The following KCNB2 variants were observed in gnomAD, a reference collection of about 807,000 sequenced individuals.
KCNB2 encodes the protein delayed rectifier potassium channel protein.
A neutral mutation model predicts 61.5 loss-of-function variants in KCNB2; 15 were observed. The observed-to-expected ratio is 0.24, with a 90% CI of 0.16 to 0.38. The LOEUF is 0.38. KCNB2 is among the 10% of genes least tolerant of loss of function. The probability of loss-of-function intolerance (pLI) is 1.00; values close to 1 mark genes in which losing one functional copy is unlikely to be tolerated. For synonymous variants in KCNB2, 457 were observed against 446.0 expected, an observed-to-expected ratio of 1.02 and a Z score of -0.31; for missense variants, 828 against 1,125.2, an observed-to-expected ratio of 0.74 and a Z score of 3.78.
chr8:72,829,308 A>G (rs1809650277), intron 2 of KCNB2, among the ~76,000 whole-genome samples: 1 of 152,226 alleles, frequency 6.6e-6, no homozygotes, highest in African/African-American at 2.4e-5. Flanking sequence ...ACATCACTCT[A>G]GAAGAGCAGC....
At chr8:72,904,801 G>T (rs1175437281) in intron 2 of KCNB2, among the ~76,000 whole-genome samples, 1 of 151,700 alleles carries the variant, frequency 6.6e-6, no homozygotes, top group African/African-American at 2.4e-5. Context: ...ATCATCCCTT[G>T]CTCAAATGCC....
intron 2 of KCNB2, among the ~76,000 whole-genome samples, chr8:72,589,605 C>G (rs1807061046): frequency 6.6e-6 from 1 of 152,174 alleles, no homozygotes; most frequent in African/African-American, 2.4e-5. Context: ...ACTTCAAAAG[C>G]ATGTCTAATT....
At chr8:72,775,815 A>T (rs1230769049) in intron 2 of KCNB2, among the ~76,000 whole-genome samples, 1 of 152,180 alleles carries the variant, frequency 6.6e-6, no homozygotes, top group Non-Finnish European at 1.5e-5. Flanking sequence ...TTCTTTAAAA[A>T]TCATAACCAT....
chr8:72,689,412 C>T (rs1806906139), intron 2 of KCNB2, among the ~76,000 whole-genome samples: 1 of 152,184 alleles, frequency 6.6e-6, no homozygotes, highest in African/African-American at 2.4e-5. Context: ...GTTAAATTTA[C>T]AAATCATAAA....
At chr8:72,669,102 A>G (rs1342927865) in intron 2 of KCNB2, among the ~76,000 whole-genome samples, 41 of 152,154 alleles carry the variant, frequency 2.7e-4, no homozygotes, top group Admixed American at 2.6e-3. Flanking sequence ...TCTAGTTTCC[A>G]TCTCTCCAGG....
At chr8:72,618,023 C>A (rs1444579700) in intron 2 of KCNB2, among the ~76,000 whole-genome samples, 1 of 152,134 alleles carries the variant, frequency 6.6e-6, no homozygotes, top group Non-Finnish European at 1.5e-5. Context: ...GTTGCTGGTG[C>A]TGCACAGCCT....
chr8:72,774,085 C>A (rs1808608293), intron 2 of KCNB2, among the ~76,000 whole-genome samples: 1 of 152,022 alleles, frequency 6.6e-6, no homozygotes, highest in African/African-American at 2.4e-5. Context: ...CCATTATAAC[C>A]CTTTGAGATT....
At chr8:72,700,602 T>G (rs925224694) in intron 2 of KCNB2, among the ~76,000 whole-genome samples, 1 of 152,082 alleles carries the variant, frequency 6.6e-6, no homozygotes, top group Non-Finnish European at 1.5e-5. Flanking sequence ...CTGGCAAGGC[T>G]ATAGAGAAAA....
At chr8:72,723,680 C>T (rs986258769) in intron 2 of KCNB2, among the ~76,000 whole-genome samples, 7 of 152,164 alleles carry the variant, frequency 4.6e-5, no homozygotes, top group African/African-American at 1.7e-4. Flanking sequence ...AATTGCTTCC[C>T]TTACTCTCAC....
intron 2 of KCNB2, among the ~76,000 whole-genome samples, chr8:72,641,865 A>G (rs1403863634): frequency 6.6e-6 from 1 of 152,150 alleles, no homozygotes; most frequent in African/African-American, 2.4e-5. Context: ...GAGGAGCTAG[A>G]TGGTTGTTAA....
chr8:72,538,935 T>G (rs775446997), intron 1 of KCNB2, among the ~76,000 whole-genome samples: 1 of 152,216 alleles, frequency 6.6e-6, no homozygotes, highest in East Asian at 1.9e-4. Flanking sequence ...AAGCGAGAGA[T>G]AGATTTCGGT....
At chr8:72,604,327 T>A (rs549867141) in intron 2 of KCNB2, among the ~76,000 whole-genome samples, 54 of 152,170 alleles carry the variant, frequency 3.5e-4, no homozygotes, top group Non-Finnish European at 6.0e-4. Context: ...AAGGTAGAGA[T>A]CATGTCCTAT....
chr8:72,700,880 C>A lies in KCNB2; in HGVS notation c.579+132567C>A, dbSNP rs193104501. 4.6e-3 allele frequency among the ~76,000 whole-genome samples: 701 copies of A among 152,302 alleles called. 4 individuals are homozygous for A. The highest frequency in any genetic ancestry group is 4.5e-3 in the Non-Finnish European group (309 of 68,026). On this transcript the variant is annotated intron_variant, in intron 2 of 2. Transcript: ENST00000523207. ...ATAAAGAACATGTGGTACATATACA[C>A]CATGGAAAACTACACAGCCATAAAA...
chr8:72,884,510 G>A (rs989623045), intron 2 of KCNB2, among the ~76,000 whole-genome samples: 3 of 151,852 alleles, frequency 2.0e-5, no homozygotes, highest in Admixed American at 2.0e-4. Context: ...TTTATGTCTT[G>A]TTTAAGAAAC....
At chr8:72,820,834 TCATCCTATTTC>T (rs1438434244) in intron 2 of KCNB2, among the ~76,000 whole-genome samples, 1 of 152,204 alleles carries the variant, frequency 6.6e-6, no homozygotes, top group Admixed American at 6.5e-5. Context: ...TCAGACAGAA[TCATCCTATTTC>T]CATAAGTTCA....
chr8:72,909,781 G>A (rs947607985), intron 2 of KCNB2, among the ~76,000 whole-genome samples: 4 of 152,142 alleles, frequency 2.6e-5, no homozygotes, highest in Non-Finnish European at 5.9e-5. Context: ...GATAAGGGAA[G>A]AAGAGATGAG....
chr8:72,903,442 A>G (rs111327146), intron 2 of KCNB2, among the ~76,000 whole-genome samples: 9 of 152,178 alleles, frequency 5.9e-5, no homozygotes, highest in African/African-American at 1.9e-4. Flanking sequence ...CTGGCTGGAC[A>G]TGATGGTGCA....
intron 1 of KCNB2, among the ~76,000 whole-genome samples, chr8:72,559,648 A>G (rs547678976): frequency 2.6e-5 from 4 of 152,332 alleles, no homozygotes; most frequent in African/African-American, 9.6e-5. Flanking sequence ...TCTCTTTGCA[A>G]GAACACAATT....
chr8:72,729,744 G>T (rs775468213), intron 2 of KCNB2, among the ~76,000 whole-genome samples: 136 of 152,224 alleles, frequency 8.9e-4, no homozygotes, highest in Non-Finnish European at 1.7e-3. Context: ...TTAGTTGGGT[G>T]TGGTGGCACA....
Sources: gnomAD v4.1 joint callset for allele counts (sites outside exome capture counted in the v4.1 genomes callset) on GRCh38, gnomAD v4.1.1 for gene constraint, MANE v1.5 for transcripts, NCBI Gene and HGNC (gene_info 2026-07-23, HGNC 2026-07-21) for gene names.